Variants in ERCC6L2 observed in about 807,000 individuals in gnomAD.
ERCC6L2 encodes DNA excision repair protein ERCC-6-like 2.
Under a neutral mutation model 132.0 loss-of-function variants are expected in ERCC6L2, and 77 were observed. The observed-to-expected ratio is 0.58, with a 90% CI of 0.49 to 0.71. ERCC6L2 has a LOEUF of 0.71. Among genes scored for constraint, ERCC6L2 ranks in the 30% least tolerant of loss-of-function variants. The pLI, the probability that ERCC6L2 is intolerant of heterozygous loss-of-function variation, is 0.00. For synonymous variants in ERCC6L2, 583 were observed against 632.4 expected, an observed-to-expected ratio of 0.92 and a Z score of 1.17; for missense variants, 1,542 against 1,837.6, an observed-to-expected ratio of 0.84 and a Z score of 2.94.
Position 95,916,219 on chromosome 9 carries a change from T to G in ERCC6L2, c.951-8T>G, listed in dbSNP as rs938409168. ...AGCCCTTACATTTTTCTTATTGTCT[T>G]TATAAAGGGCTGTGCCAGGCCTTTT... is the stretch of plus-strand genomic sequence containing the variant. On this transcript the variant is annotated splice_polypyrimidine_tract_variant and splice_region_variant and intron_variant, in intron 5 of 18. Transcript: ENST00000653738. The G allele has an allele frequency of 2.5e-5, 40 of 1,612,882 alleles. No individual in the cohort carries two copies. Among genetic ancestry groups the G allele is most frequent in the Non-Finnish European group, 3.1e-5 (37 of 1,179,122 alleles).
chr9:95,925,756 C>T (rs1450196434), intron 9 of ERCC6L2, among the ~76,000 whole-genome samples: 1 of 152,064 alleles, frequency 6.6e-6, no homozygotes, highest in Non-Finnish European at 1.5e-5. Context: ...GAATGGATTT[C>T]TATACAATAT....
chr9:96,037,241 G>A (rs960392124), intron 19 of ERCC6L2, among the ~76,000 whole-genome samples: 2 of 152,310 alleles, frequency 1.3e-5, no homozygotes, highest in Admixed American at 6.5e-5. Flanking sequence ...GTCCCTGTGC[G>A]TGGAGAGGAA....
chr9:96,016,700 C>G lies in ERCC6L2; in HGVS notation c.*3497C>G. 6.6e-6 allele frequency among the ~76,000 whole-genome samples: 1 copy of G among 152,332 alleles called. No individual in the cohort carries two copies. The highest frequency in any genetic ancestry group is 1.5e-5 in the Non-Finnish European group (1 of 68,028). Reference sequence around the variant, plus strand: ...TTTTCTAATTAAAGTTCAATGTGTACGCTTTTAAATTCTGAAGTTATCCTT... The same window carrying G: ...TTTTCTAATTAAAGTTCAATGTGTAGGCTTTTAAATTCTGAAGTTATCCTT... On this transcript the variant is annotated 3_prime_UTR_variant, in exon 19 of 19. Coordinates refer to ENST00000653738, the MANE Select transcript of ERCC6L2 (RefSeq NM_020207.7).
intron 3 of ERCC6L2, among the ~76,000 whole-genome samples, chr9:95,901,018 G>T (rs2132625756): frequency 6.6e-6 from 1 of 151,628 alleles, no homozygotes; most frequent in Middle Eastern, 3.4e-3. Flanking sequence ...AGGCTGCAGT[G>T]AGCCATGACT....
chr9:95,906,556 G>A, intron 3 of ERCC6L2: 1 of 434,732 alleles, frequency 2.3e-6, no homozygotes, highest in Non-Finnish European at 4.6e-6. Flanking sequence ...GTTCATCCAG[G>A]AAGTTTTCTT....
In ERCC6L2 at chr9:96,017,745, C is replaced by T. The variant is rs1356431126; in HGVS notation, c.*4542C>T. Among the ~76,000 whole-genome samples the T allele has an allele frequency of 6.6e-6, 1 of 152,208 alleles. No homozygotes were observed. The highest frequency in any genetic ancestry group is 2.4e-5 in the African/African-American group (1 of 41,454). Reference sequence around the variant, plus strand: ...GCAGCTGAGCTCATGATGGAGCCCACTGTGTGCTTTTTGTTGTTGTTACAT... The same window carrying T: ...GCAGCTGAGCTCATGATGGAGCCCATTGTGTGCTTTTTGTTGTTGTTACAT... On this transcript the variant is annotated 3_prime_UTR_variant, in exon 19 of 19. Coordinates refer to ENST00000653738, the MANE Select transcript of ERCC6L2 (RefSeq NM_020207.7).
intron 18 of ERCC6L2, among the ~76,000 whole-genome samples, chr9:96,011,500 C>T (rs1231531745): frequency 2.0e-5 from 3 of 152,214 alleles, no homozygotes; most frequent in Non-Finnish European, 2.9e-5. Context: ...GAGCAGGGCT[C>T]ATTGCCCAGG....
intron 17 of ERCC6L2, among the ~76,000 whole-genome samples, chr9:95,990,338 A>G (rs573856832): frequency 6.6e-6 from 1 of 152,338 alleles, no homozygotes; most frequent in African/African-American, 2.4e-5. Context: ...GGTATCAAGT[A>G]TGTGTTGAAT....
chr9:95,941,958 A>T (rs1830824739), intron 12 of ERCC6L2, among the ~76,000 whole-genome samples: 1 of 152,174 alleles, frequency 6.6e-6, no homozygotes, highest in African/African-American at 2.4e-5. Flanking sequence ...TGGGCTTGCA[A>T]CTACAGTATG....
At chr9:95,965,648 G>A (rs1302551063) in intron 13 of ERCC6L2, among the ~76,000 whole-genome samples, 1 of 152,020 alleles carries the variant, frequency 6.6e-6, no homozygotes, top group African/African-American at 2.4e-5. Context: ...TGGGATTACA[G>A]GCACCCACCA....
rs554010768 is a variant in ERCC6L2 at position 95,942,803 on chromosome 9, A to T, written c.1847+1254A>T. ...AAGGGGCATTTAGTATGAAGTAGGA[A>T]TAATGACTGAGAGAGAAAACATACA... On this transcript the variant is annotated intron_variant, in intron 12 of 18. Coordinates refer to ENST00000653738, the MANE Select transcript of ERCC6L2 (RefSeq NM_020207.7). 7.9e-5 allele frequency among the ~76,000 whole-genome samples: 12 copies of T among 152,318 alleles called. No individual in the cohort carries two copies. In the Middle Eastern group the frequency reaches 0.01, roughly 130 times the overall value.
chr9:95,922,328 G>A lies in ERCC6L2; in HGVS notation c.1323G>A (p.Val441=). Residue 441 remains valine, a synonymous_variant, in exon 8 of 19, where the codon GTG becomes GTA. Coordinates refer to ENST00000653738, the MANE Select transcript of ERCC6L2 (RefSeq NM_020207.7). ...CYKTNSHGET[V]KTLYLSYLTV... Reference sequence around the variant, plus strand: ...AGACCAATTCTCATGGTGAAACAGTGAAAACCTTGTATCTCAGTTACCTTA... The same window carrying A: ...AGACCAATTCTCATGGTGAAACAGTAAAAACCTTGTATCTCAGTTACCTTA... 1 of 1,612,078 alleles carries A rather than the reference G, an allele frequency of 6.2e-7. No individual in the cohort carries two copies. The highest frequency in any genetic ancestry group is 1.1e-5 in the South Asian group (1 of 90,928).
At chr9:95,878,652 C>T (rs1283710772) in intron 1 of ERCC6L2, among the ~76,000 whole-genome samples, 1 of 150,924 alleles carries the variant, frequency 6.6e-6, no homozygotes, top group Non-Finnish European at 1.5e-5. Flanking sequence ...CTATCCCTCC[C>T]CCCTTCCCCC....
At chr9:95,963,530 T>C (rs4743430) in intron 13 of ERCC6L2, among the ~76,000 whole-genome samples, 45,373 of 151,730 alleles carry the variant, frequency 0.3, 7,058 homozygotes, top group East Asian at 0.39. Context: ...TTCCCCACCC[T>C]CCACACTCCT....
intron 19 of ERCC6L2, among the ~76,000 whole-genome samples, chr9:96,026,295 G>A (rs1834362100): frequency 6.6e-6 from 1 of 152,194 alleles, no homozygotes. Flanking sequence ...CGGCCACCAC[G>A]CCGCCCTCTG....
At chr9:96,021,365 C>T (rs1834285627), downstream of ERCC6L2, 1 of 318,706 alleles carries the variant, frequency 3.1e-6, no homozygotes, top group Non-Finnish European at 6.0e-6. This position sits in a 1 kb window ranked among gnomAD's most constrained non-coding sequence, Gnocchi z 4.7. Flanking sequence ...GAGCCGCACA[C>T]CTCGGGGAAG....
chr9:95,925,826 A>G (rs1350173469), intron 9 of ERCC6L2, among the ~76,000 whole-genome samples: 1 of 149,184 alleles, frequency 6.7e-6, no homozygotes, highest in Middle Eastern at 3.2e-3. Flanking sequence ...ACTGGGAGAA[A>G]ATATTAGCAA....
At chr9:96,039,046 T>C (rs1834550080) in exon 20 of ERCC6L2, 2 of 415,514 alleles carry the variant, frequency 4.8e-6, no homozygotes, top group Admixed American at 5.6e-5. Flanking sequence ...CACACGCAGA[T>C]GATCATGGTC....
intron 18 of ERCC6L2, among the ~76,000 whole-genome samples, chr9:96,008,490 C>G (rs1833931222): frequency 6.6e-6 from 1 of 152,064 alleles, no homozygotes; most frequent in Non-Finnish European, 1.5e-5. Context: ...TTCTTTGTGC[C>G]CTCTGAGTCA....
Sources: gnomAD v4.1 joint callset for allele counts (sites outside exome capture counted in the v4.1 genomes callset) on GRCh38, gnomAD v4.1.1 for gene constraint, Gnocchi (gnomAD v3.1) non-coding constraint, MANE v1.5 for transcripts, NCBI Gene and HGNC (gene_info 2026-07-23, HGNC 2026-07-21) for gene names.